Variants in TRDN observed in about 807,000 individuals in gnomAD.
TRDN encodes triadin, also known as triadin in skeletal muscle.
A neutral mutation model predicts 149.7 loss-of-function variants in TRDN; 161 were observed. The ratio of observed to expected loss-of-function variants is 1.08; its 90% CI spans 0.95 to 1.23. The LOEUF is 1.23. TRDN is among the 50% of genes most tolerant of loss of function. The pLI is 0.00. For missense variants in TRDN, 896 were observed against 823.5 expected (o/e 1.09, Z -1.08); for synonymous variants, 294 against 250.5 (o/e 1.17, Z -1.64).
At chr6:123,512,981 A>C (rs535622336) in intron 6 of TRDN, among the ~76,000 whole-genome samples, 1 of 152,312 alleles carries the variant, frequency 6.6e-6, no homozygotes. Context: ...TGCTTAAAAT[A>C]TGTATTTAAA....
intron 21 of TRDN, chr6:123,351,228 T>A: frequency 1.0e-6 from 1 of 980,778 alleles, no homozygotes; most frequent in Non-Finnish European, 1.2e-6. Context: ...TGCCTAAGTA[T>A]CTGTTACATG....
chr6:123,558,547 C>T (rs1293995877), intron 2 of TRDN, among the ~76,000 whole-genome samples: 2 of 152,120 alleles, frequency 1.3e-5, no homozygotes, highest in African/African-American at 4.8e-5. Context: ...TATGAAAAAC[C>T]CAGCCCAGTT....
chr6:123,437,209 C>A (rs1362508564), intron 12 of TRDN, among the ~76,000 whole-genome samples: 1 of 151,900 alleles, frequency 6.6e-6, no homozygotes, highest in Non-Finnish European at 1.5e-5. Flanking sequence ...TACTATGTAT[C>A]TCTTCTCAAG....
At chr6:123,266,680 T>TGTATTATATTATAATA (rs1325974487) in intron 32 of TRDN, among the ~76,000 whole-genome samples, 1 of 3,868 alleles carries the variant, frequency 2.6e-4, no homozygotes, top group Non-Finnish European at 3.8e-4. Flanking sequence ...TATTATAATA[T>TGTATTATATTATAATA]ATATGTAATA....
intron 24 of TRDN, among the ~76,000 whole-genome samples, chr6:123,291,492 G>T (rs1377961225): frequency 6.6e-6 from 1 of 151,006 alleles, no homozygotes; most frequent in African/African-American, 2.4e-5. Context: ...ATGAACCCGG[G>T]AGGCAGAGCT....
At chr6:123,235,258 T>A (rs1449829493) in intron 38 of TRDN, among the ~76,000 whole-genome samples, 2 of 152,010 alleles carry the variant, frequency 1.3e-5, no homozygotes, top group Non-Finnish European at 2.9e-5. Flanking sequence ...ACTGATGAGA[T>A]CATCAGCTAA....
At chr6:123,350,244 A>T (rs1780408115) in intron 21 of TRDN, 1 of 962,394 alleles carries the variant, frequency 1.0e-6, no homozygotes, top group Admixed American at 6.2e-5. Context: ...AGAACTGAAT[A>T]CTACATTATT....
intron 5 of TRDN, among the ~76,000 whole-genome samples, chr6:123,526,645 TA>T (rs1056476402): frequency 2.0e-5 from 3 of 152,040 alleles, no homozygotes; most frequent in Admixed American, 2.0e-4. Context: ...ATATTAGACA[TA>T]AAAAATTATA....
At chr6:123,588,322 CAA>C (rs1401193381) in intron 1 of TRDN, among the ~76,000 whole-genome samples, 1 of 152,166 alleles carries the variant, frequency 6.6e-6, no homozygotes, top group Non-Finnish European at 1.5e-5. Flanking sequence ...CTTATTGCTA[CAA>C]AGAGTCTGTT....
rs879349606 is a variant in TRDN at position 123,475,194 on chromosome 6, A to T, written c.854-10211T>A. ...ATAAAGAAAAAAAGAGAGAAGAATCAAATAGACGCAATAAAAAATGATAAA... is the reference window on the plus strand; with the variant it reads ...ATAAAGAAAAAAAGAGAGAAGAATCTAATAGACGCAATAAAAAATGATAAA... On this transcript the variant is annotated intron_variant, in intron 9 of 40. Transcript: ENST00000334268. Among the ~76,000 whole-genome samples the T allele has an allele frequency of 8.0e-3, 1,203 of 150,266 alleles. 6 individuals carry two copies. The highest frequency in any genetic ancestry group is 0.016 in the Admixed American group (236 of 15,144).
At chr6:123,468,012 T>C (rs1377316003) in intron 9 of TRDN, among the ~76,000 whole-genome samples, 5 of 152,258 alleles carry the variant, frequency 3.3e-5, no homozygotes, top group South Asian at 2.1e-4. Flanking sequence ...AGGGGTGTTA[T>C]AGAGATTAAG....
intron 20 of TRDN, among the ~76,000 whole-genome samples, chr6:123,358,684 T>C (rs1447406597): frequency 5.9e-5 from 9 of 151,950 alleles, no homozygotes; most frequent in African/African-American, 2.2e-4. Context: ...GGTTTCACCA[T>C]GTTGGTCAGG....
At chr6:123,342,963 T>C (rs1259159192) in intron 21 of TRDN, among the ~76,000 whole-genome samples, 1 of 152,100 alleles carries the variant, frequency 6.6e-6, no homozygotes, top group Non-Finnish European at 1.5e-5. Flanking sequence ...AATTTTGTGC[T>C]GATCACATTT....
At chr6:123,464,631 A>G in intron 10 of TRDN, 4 of 1,174,194 alleles carry the variant, frequency 3.4e-6, no homozygotes, top group Non-Finnish European at 4.2e-6. Context: ...AGCCTTATCT[A>G]TTTGTCCCTA....
intron 10 of TRDN, among the ~76,000 whole-genome samples, chr6:123,464,067 G>A (rs1048131257): frequency 4.6e-5 from 7 of 152,198 alleles, no homozygotes; most frequent in East Asian, 1.9e-4. Context: ...TTGTACTGTT[G>A]TAAAAAATTA....
intron 23 of TRDN, among the ~76,000 whole-genome samples, chr6:123,330,601 A>G (rs1779624044): frequency 6.6e-6 from 1 of 152,162 alleles, no homozygotes; most frequent in Admixed American, 6.6e-5. Context: ...AAAAGAAGGC[A>G]TAAGTTCCTT....
intron 1 of TRDN, among the ~76,000 whole-genome samples, chr6:123,605,276 A>C (rs1784476715): frequency 6.8e-6 from 1 of 148,116 alleles, no homozygotes; most frequent in Non-Finnish European, 1.5e-5. Context: ...ATATATATTT[A>C]TATATAATAC....
At chr6:123,480,987 A>G (rs926981606) in intron 9 of TRDN, among the ~76,000 whole-genome samples, 1 of 151,810 alleles carries the variant, frequency 6.6e-6, no homozygotes, top group Non-Finnish European at 1.5e-5. Flanking sequence ...CCCACCAACA[A>G]CTCCAGAGAT....
intron 9 of TRDN, among the ~76,000 whole-genome samples, chr6:123,489,985 T>C (rs530388276): frequency 6.6e-6 from 1 of 152,050 alleles, no homozygotes; most frequent in South Asian, 2.1e-4. Context: ...AGAAGAAAAG[T>C]GACAGAGGAA....
Sources: gnomAD v4.1 joint callset for allele counts (sites outside exome capture counted in the v4.1 genomes callset) on GRCh38, gnomAD v4.1.1 for gene constraint, MANE v1.5 for transcripts, NCBI Gene and HGNC (gene_info 2026-07-23, HGNC 2026-07-21) for gene names.